Variants in RABGAP1L observed in about 807,000 individuals in gnomAD.
RABGAP1L encodes the protein rab GTPase-activating protein 1-like.
A neutral mutation model predicts 137.7 loss-of-function variants in RABGAP1L; 63 were observed. The ratio of observed to expected loss-of-function variants is 0.46; its 90% CI spans 0.37 to 0.56. The LOEUF (loss-of-function observed/expected upper bound fraction) is 0.56. RABGAP1L is among the 20% of genes least tolerant of loss of function. RABGAP1L has a pLI of 0.00. For synonymous variants in RABGAP1L, 431 were observed against 433.7 expected (o/e 0.99, Z 0.08); for missense variants, 1,095 against 1,244.0 (o/e 0.88, Z 1.80).
At chr1:174,919,448 T>C (rs1661453898) in intron 19 of RABGAP1L, among the ~76,000 whole-genome samples, 1 of 152,258 alleles carries the variant, frequency 6.6e-6, no homozygotes, top group Non-Finnish European at 1.5e-5. Flanking sequence ...CACAGCATAG[T>C]GCCCTGAATG....
chr1:174,238,278 C>A (rs1269510795), intron 4 of RABGAP1L, among the ~76,000 whole-genome samples: 1 of 152,206 alleles, frequency 6.6e-6, no homozygotes, highest in African/African-American at 2.4e-5. Context: ...GCTCGTCAGT[C>A]ATTCTCCATC....
rs189213403 is a variant in RABGAP1L, at chr1:174,887,198, A to C, written c.2341-70259A>C. Among the ~76,000 whole-genome samples, 51 of 152,294 alleles carry C rather than the reference A, an allele frequency of 3.3e-4. 1 individual carries two copies. The highest frequency in any genetic ancestry group is 3.3e-3 in the Admixed American group (51 of 15,288). Reference sequence around the variant, plus strand: ...GAAGAAAAGGGTACTCCACAATAGGAGTTGTGGGAGGGGAAAGTGAGTATT... The same window carrying C: ...GAAGAAAAGGGTACTCCACAATAGGCGTTGTGGGAGGGGAAAGTGAGTATT... On this transcript the variant is annotated intron_variant, in intron 19 of 25. Transcript: ENST00000681986.
intron 13 of RABGAP1L, among the ~76,000 whole-genome samples, chr1:174,514,731 C>T (rs1662658876): frequency 1.3e-5 from 2 of 152,198 alleles, no homozygotes; most frequent in Admixed American, 6.5e-5. Flanking sequence ...ACAGCATATT[C>T]AATTGCACCA....
chr1:174,197,841 C>A (rs58735809), intron 1 of RABGAP1L, among the ~76,000 whole-genome samples: 2,140 of 151,990 alleles, frequency 0.014, 60 homozygotes, highest in African/African-American at 0.05. Context: ...TGTAGATATT[C>A]TTAGAGTTCT....
At chr1:174,654,550 C>T (rs889084242) in intron 14 of RABGAP1L, among the ~76,000 whole-genome samples, 8 of 152,002 alleles carry the variant, frequency 5.3e-5, no homozygotes, top group African/African-American at 1.7e-4. Flanking sequence ...AATCAAAAGT[C>T]CAAGAATGTA....
chr1:174,810,888 A>G (rs2148855288), intron 18 of RABGAP1L, among the ~76,000 whole-genome samples: 1 of 152,186 alleles, frequency 6.6e-6, no homozygotes, highest in Non-Finnish European at 1.5e-5. Flanking sequence ...CCCTGAGCCC[A>G]GGAGTTATCA....
intron 18 of RABGAP1L, among the ~76,000 whole-genome samples, chr1:174,773,984 G>A (rs1164050519): frequency 1.3e-5 from 2 of 152,152 alleles, no homozygotes; most frequent in African/African-American, 4.8e-5. Flanking sequence ...GAATGAAATA[G>A]ACTAATTTTG....
At chr1:174,470,772 G>GAA (rs145995375) in intron 13 of RABGAP1L, among the ~76,000 whole-genome samples, 9 of 149,394 alleles carry the variant, frequency 6.0e-5, no homozygotes, top group African/African-American at 1.7e-4. Context: ...TGTCTGACTG[G>GAA]AAAAAAAAAA....
At chr1:174,596,247 C>G (rs1467291223) in intron 13 of RABGAP1L, among the ~76,000 whole-genome samples, 2 of 149,288 alleles carry the variant, frequency 1.3e-5, no homozygotes, top group Non-Finnish European at 3.0e-5. Context: ...CCTGCGCCCA[C>G]TGTCTGGCAC....
At chr1:174,279,686 C>G (rs1675325476) in intron 10 of RABGAP1L, among the ~76,000 whole-genome samples, 2 of 152,010 alleles carry the variant, frequency 1.3e-5, no homozygotes, top group African/African-American at 4.8e-5. Flanking sequence ...TTATTTGACT[C>G]AGTTTTTATT....
intron 11 of RABGAP1L, among the ~76,000 whole-genome samples, chr1:174,336,538 T>C (rs1681480809): frequency 6.6e-6 from 1 of 152,192 alleles, no homozygotes; most frequent in Non-Finnish European, 1.5e-5. Flanking sequence ...GTTAAGGAAA[T>C]GCTTTTTAAA....
intron 10 of RABGAP1L, among the ~76,000 whole-genome samples, chr1:174,286,255 G>T (rs568168545): frequency 1.3e-5 from 2 of 152,048 alleles, no homozygotes; most frequent in Non-Finnish European, 1.5e-5. Flanking sequence ...TTCTTTATTG[G>T]TCTGTTCAGA....
At chr1:174,159,689 G>GGGCGGCCC (rs1243775568) in intron 1 of RABGAP1L, 32 bp downstream of exon 1, 5 of 152,518 alleles carry the variant, frequency 3.3e-5, no homozygotes, top group African/African-American at 4.8e-5. Context: ...AGGGACACGA[G>GGGCGGCCC]GGCGGCCCGG....
chr1:174,707,714 C>T (rs1680162253), intron 17 of RABGAP1L, among the ~76,000 whole-genome samples: 1 of 152,156 alleles, frequency 6.6e-6, no homozygotes, highest in African/African-American at 2.4e-5. Flanking sequence ...GCAGTCTGCT[C>T]CATCCATCTG....
At chr1:174,873,753 C>T (rs540112507) in intron 19 of RABGAP1L, among the ~76,000 whole-genome samples, 1 of 152,236 alleles carries the variant, frequency 6.6e-6, no homozygotes, top group South Asian at 2.1e-4. Flanking sequence ...TTGTGATCCA[C>T]GCACCTCGTC....
intron 13 of RABGAP1L, among the ~76,000 whole-genome samples, chr1:174,611,279 G>T (rs1437947639): frequency 2.7e-5 from 4 of 150,760 alleles, no homozygotes; most frequent in South Asian, 4.2e-4. Context: ...CACATGGCTA[G>T]CCAGTTTTCC....
At chr1:174,735,196 C>G (rs954879196) in intron 17 of RABGAP1L, among the ~76,000 whole-genome samples, 1 of 151,728 alleles carries the variant, frequency 6.6e-6, no homozygotes, top group East Asian at 2.0e-4. Context: ...AGACTGGTCT[C>G]GAAATCTGAG....
chr1:174,244,429 C>G (rs865934606), intron 5 of RABGAP1L: 1 of 152,188 alleles, frequency 6.6e-6, no homozygotes, highest in Admixed American at 6.5e-5. Flanking sequence ...CAGGCATCAA[C>G]AATGGTAGAA....
intron 13 of RABGAP1L, among the ~76,000 whole-genome samples, chr1:174,608,883 A>G (rs1670979594): frequency 4.6e-5 from 7 of 152,194 alleles, no homozygotes. Flanking sequence ...GTAGTGCCAA[A>G]AAAGAACACA....
Sources: gnomAD v4.1 joint callset for allele counts (sites outside exome capture counted in the v4.1 genomes callset) on GRCh38, gnomAD v4.1.1 for gene constraint, MANE v1.5 for transcripts, NCBI Gene and HGNC (gene_info 2026-07-23, HGNC 2026-07-21) for gene names.